The following IQSEC1 variants were observed in gnomAD, a reference collection of about 807,000 sequenced individuals.
IQSEC1 encodes the protein IQ motif and Sec7 domain ArfGEF 1.
A neutral mutation model predicts 91.0 loss-of-function variants in IQSEC1; 31 were observed. The observed-to-expected ratio is 0.34, with a 90% CI of 0.26 to 0.46. The LOEUF (loss-of-function observed/expected upper bound fraction) is 0.46, where lower values mean the gene tolerates loss of function less well. IQSEC1 is among the 20% of genes least tolerant of loss of function. IQSEC1 has a pLI of 1.00. For synonymous variants in IQSEC1, 699 were observed against 662.6 expected (o/e 1.05, Z -0.84); for missense variants, 1,388 against 1,575.6 (o/e 0.88, Z 2.02).
intron 1 of IQSEC1, among the ~76,000 whole-genome samples, chr3:13,060,484 G>C (rs949331359): frequency 5.9e-5 from 9 of 152,218 alleles, no homozygotes; most frequent in Non-Finnish European, 4.4e-5. Context: ...CAGTCTCAGG[G>C]CCTGACTCCA....
chr3:13,071,143 G>GT lies in IQSEC1; in HGVS notation c.23+1848dup, dbSNP rs1553563495. 3.9e-3 allele frequency among the ~76,000 whole-genome samples: 443 copies of GT among 112,644 alleles called. 9 individuals carry two copies. Among genetic ancestry groups the GT allele is most frequent in the African/African-American group, 9.8e-3 (307 of 31,266 alleles). 73.9% of individuals were successfully genotyped at this position (112,644 alleles called of 152,430 possible). ...AATGTCTGGGGGTGGGACCCACACA[G>GT]TTTTTTTTTGTTTTTTTTTTTTTGT... On this transcript the variant is annotated intron_variant, in intron 1 of 13. Transcript: ENST00000613206.
upstream of IQSEC1, among the ~76,000 whole-genome samples, chr3:13,076,655 G>A (rs1287954036): frequency 2.0e-5 from 3 of 151,998 alleles, no homozygotes; most frequent in Non-Finnish European, 2.9e-5. Flanking sequence ...CCCCACCCCC[G>A]CTGCTCCGTT....
At chr3:13,002,014 A>C (rs1374468871) in intron 1 of IQSEC1, among the ~76,000 whole-genome samples, 4 of 152,160 alleles carry the variant, frequency 2.6e-5, no homozygotes, top group Non-Finnish European at 4.4e-5. Context: ...CAGAGGTTGC[A>C]GTGAGCTGAG....
At chr3:13,241,272 C>A (rs967422508) in intron 1 of IQSEC1, among the ~76,000 whole-genome samples, 46 of 152,230 alleles carry the variant, frequency 3.0e-4, no homozygotes, top group African/African-American at 1.1e-3. Context: ...AGGCCAGACA[C>A]AAGCAGGCGA....
chr3:13,223,670 G>A (rs138147037), intron 1 of IQSEC1, among the ~76,000 whole-genome samples: 84 of 152,344 alleles, frequency 5.5e-4, no homozygotes, highest in Non-Finnish European at 7.9e-4. Context: ...GCCCACAAGA[G>A]ACACACTGGG....
rs1457864191 is a variant in IQSEC1 at position 13,257,858 on chromosome 3, A to G, written c.272+24853T>C. ...GGAGCTGAAAATGTATGTCCACACA[A>G]AAACCTACACATGGGTGTTTATAGC... On this transcript the variant is annotated intron_variant, in intron 1 of 15. Transcript: ENST00000648114. Among the ~76,000 whole-genome samples, 3 of 152,232 alleles carry G rather than the reference A, an allele frequency of 2.0e-5. No homozygotes were observed. The East Asian group carries it at 5.8e-4, about 29-fold the overall frequency.
At chr3:12,941,437 C>G (rs1698737239) in intron 2 of IQSEC1, 134 bp downstream of exon 2, 1 of 884,044 alleles carries the variant, frequency 1.1e-6, no homozygotes, top group African/African-American at 1.7e-5. Context: ...GGGGCAGAGC[C>G]CTCAGCCTTA....
chr3:13,242,806 ACG>A (rs1695041915), intron 1 of IQSEC1, among the ~76,000 whole-genome samples: 1 of 151,774 alleles, frequency 6.6e-6, no homozygotes, highest in South Asian at 2.1e-4. Flanking sequence ...GTTTCATCTG[ACG>A]CAGACACCAG....
intron 1 of IQSEC1, among the ~76,000 whole-genome samples, chr3:12,977,084 C>G (rs146997351): frequency 2.4e-4 from 36 of 152,290 alleles, no homozygotes; most frequent in Non-Finnish European, 4.9e-4. Flanking sequence ...TACCTGTAAT[C>G]CCAGCTGAGG....
chr3:13,220,310 G>C (rs1300427296), intron 1 of IQSEC1, among the ~76,000 whole-genome samples: 1 of 152,212 alleles, frequency 6.6e-6, no homozygotes, highest in African/African-American at 2.4e-5. Flanking sequence ...TGGTCACATA[G>C]GGCCTGTGAC....
Position 13,132,900 on chromosome 3 carries a change from C to A in IQSEC1, c.302+31204G>T, listed in dbSNP as rs116034777. On this transcript the variant is annotated intron_variant, in intron 2 of 15. Transcript: ENST00000648114. ...TGCACTTGTATCTCCCCCACCACAA[C>A]CCCCGAATGCACAGATCACCTCTCT... Among the ~76,000 whole-genome samples the A allele has an allele frequency of 3.0e-3, 453 of 152,334 alleles. 5 individuals are homozygous for A. The highest frequency in any genetic ancestry group is 0.011 in the African/African-American group (437 of 41,580).
At chr3:13,087,238 T>C (rs762070454) in intron 2 of IQSEC1, among the ~76,000 whole-genome samples, 12 of 152,282 alleles carry the variant, frequency 7.9e-5, no homozygotes, top group Admixed American at 2.6e-4. Context: ...CTTTAGTTAA[T>C]GGGCTGGATG....
intron 1 of IQSEC1, among the ~76,000 whole-genome samples, chr3:13,253,370 C>T (rs1695232858): frequency 3.3e-5 from 5 of 152,152 alleles, no homozygotes; most frequent in Admixed American, 3.3e-4. Context: ...GTGGCACCCC[C>T]TGGTCAGCAG....
At chr3:13,022,077 C>T in intron 1 of IQSEC1, 14 of 1,231,918 alleles carry the variant, frequency 1.1e-5, no homozygotes, top group Non-Finnish European at 1.4e-5. Flanking sequence ...TAAGGCTCCA[C>T]ACGGCACTGC....
At chr3:13,200,243 CCACA>C (rs1353875432) in intron 1 of IQSEC1, among the ~76,000 whole-genome samples, 1 of 145,756 alleles carries the variant, frequency 6.9e-6, no homozygotes, top group East Asian at 2.1e-4. Context: ...ACAAACACAC[CCACA>C]TACAACACAC....
chr3:13,180,619 A>G (rs1399410608), intron 1 of IQSEC1, among the ~76,000 whole-genome samples: 1 of 151,866 alleles, frequency 6.6e-6, no homozygotes, highest in African/African-American at 2.4e-5. Flanking sequence ...CTTTGCAATA[A>G]ATCTTGCTGC....
intron 1 of IQSEC1, among the ~76,000 whole-genome samples, chr3:12,957,842 G>A (rs190201020): frequency 7.2e-4 from 109 of 152,338 alleles, no homozygotes; most frequent in African/African-American, 2.5e-3. Context: ...AGAGTGGCAC[G>A]TTTTTACAGT....
intron 13 of IQSEC1, 38 bp from the exon 14 acceptor site, chr3:12,901,560 C>A (rs1213285281): frequency 1.3e-6 from 2 of 1,483,720 alleles, no homozygotes; most frequent in Non-Finnish European, 9.1e-7. Flanking sequence ...ATTAAAAGAT[C>A]TTCAAGCACT....
Position 13,211,511 on chromosome 3 carries a change from C to T in IQSEC1, c.273-47378G>A, listed in dbSNP as rs1055202323. Among the ~76,000 whole-genome samples the T allele has an allele frequency of 6.6e-6, 1 of 152,102 alleles. No homozygotes were observed. Among genetic ancestry groups the T allele is most frequent in the African/African-American group, 2.4e-5 (1 of 41,400 alleles). On this transcript the variant is annotated intron_variant, in intron 1 of 15. Transcript: ENST00000648114. This position sits in a 1 kb window ranked among gnomAD's most constrained non-coding sequence, Gnocchi z 5.3. The stretch of plus-strand genomic sequence containing the variant: ...TCTTCAGGCATCCACCCCCAAGTCC[C>T]CTTTTGGGAGCAGTGTCTTCAGCCA...
Sources: gnomAD v4.1 joint callset for allele counts (sites outside exome capture counted in the v4.1 genomes callset) on GRCh38, gnomAD v4.1.1 for gene constraint, Gnocchi (gnomAD v3.1) non-coding constraint, MANE v1.5 for transcripts, NCBI Gene and HGNC (gene_info 2026-07-23, HGNC 2026-07-21) for gene names.